ARHGAP33: variants seen among roughly 807,000 people sequenced by gnomAD.
The protein encoded by ARHGAP33 is rho GTPase-activating protein 33.
Under a neutral mutation model 126.2 loss-of-function variants are expected in ARHGAP33, and 57 were observed. The ratio of observed to expected loss-of-function variants is 0.45; its 90% confidence interval spans 0.36 to 0.56. The LOEUF is 0.56. Among genes scored for constraint, ARHGAP33 ranks in the 20% least tolerant of loss-of-function variants. ARHGAP33 has a pLI of 0.00. For synonymous variants in ARHGAP33, 711 were observed against 755.0 expected (o/e 0.94, Z 0.95); for missense variants, 1,500 against 1,748.3 (o/e 0.86, Z 2.53).
chr19:35,784,369 C>T (rs1162692432), intron 16 of ARHGAP33, 52 bp downstream of exon 16: 1 of 1,488,810 alleles, frequency 6.7e-7, no homozygotes, highest in South Asian at 1.3e-5. Context: ...ACGATCAGGG[C>T]TGCAGGGGGA....
At chr19:35,783,358 G>GT (rs1971906120) in intron 15 of ARHGAP33, among the ~76,000 whole-genome samples, 1 of 152,228 alleles carries the variant, frequency 6.6e-6, no homozygotes, top group Non-Finnish European at 1.5e-5. Context: ...GAGGACGGGC[G>GT]TAAGATGTAC....
intron 1 of ARHGAP33, among the ~76,000 whole-genome samples, chr19:35,776,309 T>C (rs932845631): frequency 6.6e-6 from 1 of 150,846 alleles, no homozygotes; most frequent in Non-Finnish European, 1.5e-5. Context: ...CTCATCCCCC[T>C]CCCCCACCAT....
In ARHGAP33 at chr19:35,785,049, G is replaced by C; in HGVS notation, c.1664G>C (p.Arg555Pro). ...GAAGCCCAGGCACGCACCCAGGGCC[G>C]GCTGGGGACGCCCACGGAGCCCACA... ...LEEAQARTQG[R>P]LGTPTEPTTP... The change falls in exon 17 of 21, where the codon CGG (arginine) becomes CCG (proline). Residue 555 changes from arginine to proline, a missense_variant. Transcript: ENST00000007510. The C allele has an allele frequency of 6.4e-7, 1 of 1,555,642 alleles. No individual in the cohort carries two copies. Among genetic ancestry groups the C allele is most frequent in the South Asian group, 1.2e-5 (1 of 84,736 alleles).
intron 12 of ARHGAP33, among the ~76,000 whole-genome samples, chr19:35,781,981 C>T (rs1420943585): frequency 3.9e-5 from 6 of 152,194 alleles, no homozygotes; most frequent in East Asian, 1.9e-4. Context: ...GAGATTTTAC[C>T]ACAGGCAGTG....
rs749684590 is a variant in ARHGAP33, at chr19:35,786,131, C to T, written c.1943-282C>T. On this transcript the variant is annotated intron_variant, in intron 19 of 20. Coordinates refer to ENST00000007510, the MANE Select transcript of ARHGAP33 (RefSeq NM_001366178.1). The surrounding 1 kb of genome is among the most constrained non-coding windows in gnomAD (Gnocchi z 7.0). ...CATCCTCACACTCCTGGGGTACTGCCCTCCCACATACCCAGGAGCCCAGGT... is the reference window on the plus strand; with the variant it reads ...CATCCTCACACTCCTGGGGTACTGCTCTCCCACATACCCAGGAGCCCAGGT... 1.7e-4 allele frequency: 229 copies of T among 1,327,748 alleles called. No individual in the cohort carries two copies. The highest frequency in any genetic ancestry group is 2.1e-4 in the Non-Finnish European group (218 of 1,041,368). 82.2% of individuals were successfully genotyped at this position (1,327,748 alleles called of 1,614,324 possible).
rs1004695982 is a variant in ARHGAP33 at position 35,786,509 on chromosome 19, C to CGTCCTCCTCCTCCGA, written c.2052_2066dup (p.Glu690_Ser694dup). 7 of 1,536,104 alleles carry CGTCCTCCTCCTCCGA rather than the reference C, an allele frequency of 4.6e-6. No homozygotes were observed. The highest frequency in any genetic ancestry group is 6.1e-6 in the Non-Finnish European group (7 of 1,146,856). On this transcript the variant is annotated inframe_insertion, in exon 20 of 21. Coordinates refer to ENST00000007510, the MANE Select transcript of ARHGAP33 (RefSeq NM_001366178.1). This position sits in a 1 kb window ranked among gnomAD's most constrained non-coding sequence, Gnocchi z 7.0. ...GCTGGCTCCTGCGAGAGCCTGTCCT[C>CGTCCTCCTCCTCCGA]GTCCTCCTCCTCCGAGTCCTCCTCC... is the stretch of plus-strand genomic sequence containing the variant.
chr19:35,780,811 C>A lies in ARHGAP33; in HGVS notation c.824C>A (p.Thr275Asn). 2 of 1,614,054 alleles carry A rather than the reference C, an allele frequency of 1.2e-6. No homozygotes were observed. The highest frequency in any genetic ancestry group is 2.2e-5 in the South Asian group (2 of 91,082). The part of the protein sequence containing the change: ...IPAPQGISSL[T>N]SAVPRPRGKL... The stretch of plus-strand genomic sequence containing the variant: ...GCTCCCCAGGGTATCTCGTCTCTGA[C>A]CTCAGGTAATAGAAATAGGCGGTCA... Residue 275 changes from threonine (T) to asparagine (N), a missense_variant, in exon 10 of 21, where the codon ACC (threonine) becomes AAC (asparagine). Physicochemically the swap from Thr to Asn is moderately conservative, Grantham distance 65 (BLOSUM62 0). Transcript: ENST00000007510.
rs1279570442 is a variant in ARHGAP33 at position 35,787,012 on chromosome 19, C to T, written c.2542C>T (p.Leu848=). 1 of 1,609,898 alleles carries T rather than the reference C, an allele frequency of 6.2e-7. No homozygotes were observed. The change falls in exon 20 of 21, where the codon CTG becomes TTG. Residue 848 remains leucine (L), a synonymous_variant. Transcript: ENST00000007510. ...GCTGCTGCGAGGAGCCGAGGCCCCG[C>T]TGACTGACGCCTGCCAGCAGGAGAT... ...PLLLRGAEAP[L]TDACQQEMCS... is the part of the protein sequence containing the mutation.
rs762833509 is a variant in ARHGAP33 at position 35,788,295 on chromosome 19, A to AG, written c.3737dup (p.Glu1247ArgfsTer34). 15 of 1,607,702 alleles carry AG rather than the reference A, an allele frequency of 9.3e-6. No individual in the cohort carries two copies. The highest frequency in any genetic ancestry group is 1.1e-5 in the Non-Finnish European group (13 of 1,178,206). The stretch of plus-strand genomic sequence containing the variant: ...CAGGGCAGCCCCGCCAGCCTACGGA[A>AG]GGGGGGGCGAGCTCCACCGAGGGTC... On this transcript the variant is annotated frameshift_variant, in exon 21 of 21. Transcript: ENST00000007510. LOFTEE classifies it high-confidence loss of function.
In ARHGAP33 at chr19:35,786,528, C is replaced by G; in HGVS notation, c.2058C>G (p.Ser686=). ...ESLSSSSSSE[S]SSSESSSSSS... is the part of the protein sequence containing the mutation. ...TGTCCTCGTCCTCCTCCTCCGAGTC[C>G]TCCTCCTCTGAGTCCTCCTCTTCCT... Residue 686 remains serine, a synonymous_variant, in exon 20 of 21, where the codon TCC becomes TCG. Coordinates refer to ENST00000007510, the MANE Select transcript of ARHGAP33 (RefSeq NM_001366178.1). This position sits in a 1 kb window ranked among gnomAD's most constrained non-coding sequence, Gnocchi z 7.0. 6.5e-7 allele frequency: 1 copy of G among 1,536,112 alleles called. No homozygotes were observed. Among genetic ancestry groups the G allele is most frequent in the Non-Finnish European group, 8.7e-7 (1 of 1,146,830 alleles).
Position 35,776,317 on chromosome 19 carries a change from C to G in ARHGAP33, c.6+653C>G, listed in dbSNP as rs141841176. 6.2e-3 allele frequency among the ~76,000 whole-genome samples: 944 copies of G among 152,038 alleles called. 11 individuals are homozygous for G. The highest frequency in any genetic ancestry group is 0.022 in the African/African-American group (900 of 41,462). ...CCTTGTCCTCATCCCCCTCCCCCACCATTTCCCTCTCCCACCATGCTGCTC... is the reference window on the plus strand; with the variant it reads ...CCTTGTCCTCATCCCCCTCCCCCACGATTTCCCTCTCCCACCATGCTGCTC... On this transcript the variant is annotated intron_variant, in intron 1 of 20. Transcript: ENST00000007510.
chr19:35,779,936 ATGGGGAAGCCTTCAGG>A (rs1027395410), intron 6 of ARHGAP33: 3 of 563,612 alleles, frequency 5.3e-6, no homozygotes, highest in Admixed American at 2.2e-5. Context: ...GCAGAGGTGG[ATGGGGAAGCCTTCAGG>A]TGGGGAAGCC....
In ARHGAP33 at chr19:35,786,864, C is replaced by T. The variant is rs1034966855; in HGVS notation, c.2394C>T (p.Pro798=). The part of the protein sequence containing the change: ...ASPAALDISE[P]LAVSVPPAVL... ...CTGCTGCCCTAGACATCTCAGAGCC[C>T]CTGGCTGTATCAGTGCCACCCGCTG... The change falls in exon 20 of 21, where the codon CCC becomes CCT. Residue 798 remains proline (P), a synonymous_variant. Coordinates refer to ENST00000007510, the MANE Select transcript of ARHGAP33 (RefSeq NM_001366178.1). This position sits in a 1 kb window ranked among gnomAD's most constrained non-coding sequence, Gnocchi z 7.0. 5 of 1,601,662 alleles carry T rather than the reference C, an allele frequency of 3.1e-6. No individual in the cohort carries two copies. The highest frequency in any genetic ancestry group is 4.2e-6 in the Non-Finnish European group (5 of 1,176,542).
rs774240235 is a variant in ARHGAP33, at chr19:35,785,097, C to T, written c.1712C>T (p.Pro571Leu). Reference sequence around the variant, plus strand: ...ACAACTCCCAAGGCCCCGGCCTCACCTGCGGAAAGGTGAGTGGGATGCTGG... The same window carrying T: ...ACAACTCCCAAGGCCCCGGCCTCACTTGCGGAAAGGTGAGTGGGATGCTGG... ...EPTTPKAPAS[P>L]AERRKGERGE... The change falls in exon 17 of 21, where the codon CCT (proline) becomes CTT (leucine). Residue 571 changes from proline (P) to leucine (L), a missense_variant. By Grantham distance (98) the Pro-to-Leu change is moderately conservative. This residue lies in a region of ARHGAP33 where 300 missense variants were observed against 291.1 expected (regional missense o/e 1.03). Coordinates refer to ENST00000007510, the MANE Select transcript of ARHGAP33 (RefSeq NM_001366178.1). The T allele has an allele frequency of 8.8e-6, 14 of 1,588,058 alleles. No individual in the cohort carries two copies. Among genetic ancestry groups the T allele is most frequent in the Admixed American group, 1.8e-5 (1 of 54,884 alleles).
intron 5 of ARHGAP33, chr19:35,778,806 A>AT: frequency 1.1e-6 from 1 of 922,838 alleles, no homozygotes; most frequent in Non-Finnish European, 1.6e-6. Flanking sequence ...GGGGAGTTCC[A>AT]GGGGGTCCCA....
chr19:35,784,705 A>G, intron 16 of ARHGAP33: 1 of 1,200,926 alleles, frequency 8.3e-7, no homozygotes, highest in Non-Finnish European at 1.0e-6. Flanking sequence ...CTCTGGCCCG[A>G]GGTAACTGAA....
At chr19:35,776,963 G>T (rs991152038) in intron 1 of ARHGAP33, among the ~76,000 whole-genome samples, 1 of 152,210 alleles carries the variant, frequency 6.6e-6, no homozygotes, top group African/African-American at 2.4e-5. Context: ...AATGTACCCA[G>T]GGAAAGGTGG....
rs144747206 is a variant in ARHGAP33, at chr19:35,782,439, C to T, written c.1152C>T (p.Ser384=). ...SGPAFLQDIH[S]VSSLCKLYFR... is the part of the protein sequence containing the mutation. ...CTGCATTCCTGCAGGACATCCACAGCGTGTCCTCCCTCTGCAAGCTCTACT... is the reference window on the plus strand; with the variant it reads ...CTGCATTCCTGCAGGACATCCACAGTGTGTCCTCCCTCTGCAAGCTCTACT... The change falls in exon 13 of 21, where the codon AGC becomes AGT. Residue 384 remains serine (S), a synonymous_variant. Coordinates refer to ENST00000007510, the MANE Select transcript of ARHGAP33 (RefSeq NM_001366178.1). The surrounding 1 kb of genome is among the most constrained non-coding windows in gnomAD (Gnocchi z 4.1). The T allele has an allele frequency of 2.7e-4, 431 of 1,613,568 alleles. 1 individual carries two copies. Among genetic ancestry groups the T allele is most frequent in the Admixed American group, 1.7e-3 (101 of 60,018 alleles).
chr19:35,785,617 C>A (rs1972073109), intron 19 of ARHGAP33, 134 bp downstream of exon 19: 6 of 1,477,464 alleles, frequency 4.1e-6, no homozygotes, highest in Admixed American at 2.4e-5. Flanking sequence ...TTTAACCTGG[C>A]CTTTATGTAC....
Sources: gnomAD v4.1 joint callset for allele counts (sites outside exome capture counted in the v4.1 genomes callset) on GRCh38, gnomAD v4.1.1 for gene constraint, gnomAD v4.1.1 regional missense constraint, Gnocchi (gnomAD v3.1) non-coding constraint, MANE v1.5 for transcripts, NCBI Gene and HGNC (gene_info 2026-07-23, HGNC 2026-07-21) for gene names.